PTPRD: variants seen among roughly 807,000 people sequenced by gnomAD.
PTPRD encodes the protein receptor-type tyrosine-protein phosphatase delta.
Under a neutral mutation model 214.5 loss-of-function variants are expected in PTPRD, and 34 were observed. That is an observed-to-expected ratio of 0.16 (90% CI 0.12 to 0.21). PTPRD has a LOEUF of 0.21. PTPRD is among the 10% of genes least tolerant of loss of function. The pLI is 1.00. For synonymous variants in PTPRD, 1,128 were observed against 845.7 expected (o/e 1.33, Z -5.79); for missense variants, 2,545 against 2,398.7 (o/e 1.06, Z -1.27).
chr9:10,440,144 C>T (rs1189006745), intron 2 of PTPRD, among the ~76,000 whole-genome samples: 1 of 151,400 alleles, frequency 6.6e-6, no homozygotes, highest in African/African-American at 2.4e-5. Flanking sequence ...GTAATAACTG[C>T]TCTGGCAATA....
chr9:9,855,539 G>A (rs192789865), intron 5 of PTPRD, among the ~76,000 whole-genome samples: 2 of 152,214 alleles, frequency 1.3e-5, no homozygotes, highest in Non-Finnish European at 2.9e-5. Flanking sequence ...CCTTTTCGTG[G>A]GAATTGTGAG....
At chr9:8,504,981 G>GA (rs2137285394) in intron 22 of PTPRD, among the ~76,000 whole-genome samples, 1 of 152,236 alleles carries the variant, frequency 6.6e-6, no homozygotes, top group Admixed American at 6.5e-5. Context: ...AGTCACTAAA[G>GA]AAAGTTGAAT....
chr9:10,354,967 A>T (rs1020130318), intron 2 of PTPRD, among the ~76,000 whole-genome samples: 1 of 152,186 alleles, frequency 6.6e-6, no homozygotes, highest in African/African-American at 2.4e-5. Flanking sequence ...TTTACATTGT[A>T]TTTGCTAAAT....
chr9:10,428,382 G>C (rs1048496227), intron 2 of PTPRD, among the ~76,000 whole-genome samples: 1 of 152,014 alleles, frequency 6.6e-6, no homozygotes, highest in East Asian at 1.9e-4. Flanking sequence ...ACTCATAACA[G>C]ATCTACCTTT....
At chr9:9,522,691 A>T (rs1590650217) in intron 8 of PTPRD, among the ~76,000 whole-genome samples, 1 of 152,154 alleles carries the variant, frequency 6.6e-6, no homozygotes, top group Admixed American at 6.5e-5. Flanking sequence ...AGAAAAAATA[A>T]ATTTTTAAAA....
intron 12 of PTPRD, among the ~76,000 whole-genome samples, chr9:8,659,657 TG>T (rs1341762565): frequency 9.2e-5 from 14 of 152,140 alleles, no homozygotes; most frequent in African/African-American, 3.4e-4. Context: ...CAGAAGTAAT[TG>T]ATTGGGGCAA....
intron 8 of PTPRD, among the ~76,000 whole-genome samples, chr9:9,527,409 G>C (rs1040160393): frequency 2.0e-5 from 3 of 152,202 alleles, no homozygotes; most frequent in Admixed American, 2.0e-4. Context: ...GTGGCACCAT[G>C]TCACTATCTT....
intron 39 of PTPRD, among the ~76,000 whole-genome samples, chr9:8,342,759 G>A (rs1200983033): frequency 6.6e-6 from 1 of 152,028 alleles, no homozygotes; most frequent in East Asian, 1.9e-4. Flanking sequence ...TGAAATAGGG[G>A]ATACGACATA....
chr9:10,323,573 C>T (rs2096593191), intron 3 of PTPRD, among the ~76,000 whole-genome samples: 1 of 151,512 alleles, frequency 6.6e-6, no homozygotes. Context: ...CCCAAAGTAA[C>T]TGCAACTCTT....
chr9:10,023,015 T>C (rs2096853540), intron 4 of PTPRD, among the ~76,000 whole-genome samples: 1 of 152,204 alleles, frequency 6.6e-6, no homozygotes, highest in Admixed American at 6.5e-5. Flanking sequence ...ACTAGACGCA[T>C]ATATTCTTTG....
chr9:9,415,551 T>C (rs1325397649), intron 8 of PTPRD, among the ~76,000 whole-genome samples: 1 of 152,176 alleles, frequency 6.6e-6, no homozygotes, highest in African/African-American at 2.4e-5. Flanking sequence ...AGAATTAAAA[T>C]GTTTGCTAAA....
chr9:9,823,205 G>T (rs1298316131), intron 5 of PTPRD, among the ~76,000 whole-genome samples: 1 of 152,102 alleles, frequency 6.6e-6, no homozygotes, highest in Non-Finnish European at 1.5e-5. Flanking sequence ...TAGTTCTGCA[G>T]GCTTTATAGG....
At chr9:10,057,460 T>A (rs1030717728) in intron 3 of PTPRD, among the ~76,000 whole-genome samples, 2 of 151,806 alleles carry the variant, frequency 1.3e-5, no homozygotes, top group African/African-American at 2.4e-5. Context: ...TTCCAAACAT[T>A]CGCACTCTTT....
In PTPRD at chr9:8,476,750, G is replaced by A. The variant is rs2096773885; in HGVS notation, c.3414-5665C>T. ...TGCTTAACTTTGCTATTTTATCATG[G>A]AATTATTCTTCCACTGTAAAGAAAG... is the stretch of plus-strand genomic sequence containing the variant. On this transcript the variant is annotated intron_variant, in intron 30 of 45. Coordinates refer to ENST00000381196, the MANE Select transcript of PTPRD (RefSeq NM_002839.4). Among the ~76,000 whole-genome samples the A allele has an allele frequency of 2.0e-5, 3 of 151,982 alleles. No homozygotes were observed. In the South Asian group the frequency reaches 6.2e-4, roughly 32 times the overall value.
chr9:8,763,916 G>C (rs1178391958), intron 11 of PTPRD, among the ~76,000 whole-genome samples: 1 of 152,014 alleles, frequency 6.6e-6, no homozygotes, highest in African/African-American at 2.4e-5. Context: ...GTAAATTCAA[G>C]ACAAGACTGA....
At chr9:8,766,457 A>G (rs2094756846) in intron 11 of PTPRD, among the ~76,000 whole-genome samples, 1 of 152,190 alleles carries the variant, frequency 6.6e-6, no homozygotes, top group Non-Finnish European at 1.5e-5. Context: ...GCCTCCTGCA[A>G]TTCTGAACTT....
At chr9:9,281,019 G>GA (rs1275625267) in intron 9 of PTPRD, among the ~76,000 whole-genome samples, 2 of 150,976 alleles carry the variant, frequency 1.3e-5, no homozygotes, top group East Asian at 2.0e-4. Context: ...ATACAATAGA[G>GA]AAAAAATAGT....
At position 8,460,396 on chromosome 9, in the gene PTPRD, A is replaced by T. The variant is rs2134132023; in HGVS notation, c.3875+15T>A. The T allele has an allele frequency of 1.2e-6, 2 of 1,610,088 alleles. No individual in the cohort carries two copies. The highest frequency in any genetic ancestry group is 1.7e-6 in the Non-Finnish European group (2 of 1,178,248). ...CAGCCTCCAAAATTACAACAGAAAT[A>T]TTGGGCAAACCTACCTTTTATAAAG... is the stretch of plus-strand genomic sequence containing the variant. On this transcript the variant is annotated intron_variant, in intron 33 of 45. Coordinates refer to ENST00000381196, the MANE Select transcript of PTPRD (RefSeq NM_002839.4).
rs776782641 is a variant in PTPRD at position 8,524,879 on chromosome 9, C to A, written c.679+46G>T. 10 of 1,540,608 alleles carry A rather than the reference C, an allele frequency of 6.5e-6. No homozygotes were observed. The East Asian group carries it at 2.2e-4, about 35-fold the overall frequency. On this transcript the variant is annotated intron_variant, in intron 18 of 45. Transcript: ENST00000381196. ...CGGACCCTGCGGCGTCTCAACTCCCCCTGAGCCTGAATGAAGAAGCGATGC... is the reference window on the plus strand; with the variant it reads ...CGGACCCTGCGGCGTCTCAACTCCCACTGAGCCTGAATGAAGAAGCGATGC...
Sources: gnomAD v4.1 joint callset for allele counts (sites outside exome capture counted in the v4.1 genomes callset) on GRCh38, gnomAD v4.1.1 for gene constraint, MANE v1.5 for transcripts, NCBI Gene and HGNC (gene_info 2026-07-23, HGNC 2026-07-21) for gene names.